The following LCA5 variants were observed in gnomAD, a reference collection of about 807,000 sequenced individuals.
LCA5 encodes lebercilin.
In LCA5, 37 loss-of-function variants were observed where a neutral mutation model predicts 53.0. The observed-to-expected ratio is 0.70, with a 90% CI of 0.54 to 0.92. The LOEUF (loss-of-function observed/expected upper bound fraction) is 0.92. Ranked by LOEUF, LCA5 falls within the 40% of genes least tolerant of loss-of-function variation. LCA5 has a pLI of 0.00. For synonymous variants in LCA5, 303 were observed against 282.9 expected (o/e 1.07, Z -0.71); for missense variants, 806 against 790.5 (o/e 1.02, Z -0.23).
At chr6:79,536,776 C>A (rs62413364) in intron 1 of LCA5, among the ~76,000 whole-genome samples, 31 of 152,262 alleles carry the variant, frequency 2.0e-4, no homozygotes, top group Admixed American at 1.2e-3. Flanking sequence ...TGAGTCTCCA[C>A]GGGCCTCCGG....
intron 1 of LCA5, among the ~76,000 whole-genome samples, chr6:79,531,873 C>G (rs1325646187): frequency 6.6e-6 from 1 of 151,736 alleles, no homozygotes; most frequent in Non-Finnish European, 1.5e-5. Context: ...TTGGAATACA[C>G]AGGGCAGCAC....
chr6:79,500,832 T>G (rs1770117912), intron 3 of LCA5, among the ~76,000 whole-genome samples: 1 of 152,016 alleles, frequency 6.6e-6, no homozygotes, highest in African/African-American at 2.4e-5. Flanking sequence ...GTTACATTTT[T>G]CCTTATATTT....
chr6:79,500,599 T>A (rs1056072762), intron 3 of LCA5, among the ~76,000 whole-genome samples: 1 of 152,190 alleles, frequency 6.6e-6, no homozygotes, highest in East Asian at 1.9e-4. Flanking sequence ...TTTTACAGTA[T>A]TCCTAGAAGG....
intron 3 of LCA5, among the ~76,000 whole-genome samples, chr6:79,507,296 A>G (rs1770294920): frequency 6.6e-6 from 1 of 152,138 alleles, no homozygotes; most frequent in Non-Finnish European, 1.5e-5. Context: ...AAAAGATCTT[A>G]TAACATATAA....
chr6:79,533,264 A>G (rs1205567858), intron 1 of LCA5, among the ~76,000 whole-genome samples: 1 of 152,130 alleles, frequency 6.6e-6, no homozygotes, highest in African/African-American at 2.4e-5. Flanking sequence ...TTAACAGGAC[A>G]CTGAAGATTT....
intron 2 of LCA5, among the ~76,000 whole-genome samples, chr6:79,514,155 T>A (rs1024472145): frequency 6.6e-6 from 1 of 152,112 alleles, no homozygotes; most frequent in Non-Finnish European, 1.5e-5. Flanking sequence ...ATATTTGGGA[T>A]CATTATTTCA....
intron 3 of LCA5, among the ~76,000 whole-genome samples, chr6:79,497,782 G>A (rs1331746866): frequency 1.3e-5 from 2 of 151,956 alleles, no homozygotes; most frequent in Admixed American, 6.6e-5. Flanking sequence ...AAACCAGCCC[G>A]ACCAACATGG....
At chr6:79,530,768 T>C (rs1582657507) in intron 1 of LCA5, among the ~76,000 whole-genome samples, 1 of 152,246 alleles carries the variant, frequency 6.6e-6, no homozygotes, top group South Asian at 2.1e-4. Flanking sequence ...TCCTTAGTCC[T>C]TGTAGAAACT....
intron 3 of LCA5, among the ~76,000 whole-genome samples, chr6:79,495,544 G>A (rs1311753490): frequency 1.3e-5 from 2 of 152,000 alleles, no homozygotes; most frequent in Non-Finnish European, 2.9e-5. Flanking sequence ...AAGGCCAGGA[G>A]ATTAAGACCA....
chr6:79,499,691 A>C (rs972214518), intron 3 of LCA5, among the ~76,000 whole-genome samples: 1 of 151,256 alleles, frequency 6.6e-6, no homozygotes, highest in Admixed American at 6.6e-5. Flanking sequence ...CTTTTTTTTA[A>C]ATTTTATTTT....
chr6:79,501,887 T>C (rs1770150455), intron 3 of LCA5, among the ~76,000 whole-genome samples: 1 of 151,592 alleles, frequency 6.6e-6, no homozygotes, highest in Non-Finnish European at 1.5e-5. Flanking sequence ...CAGTATAGTA[T>C]GTAGTATAGA....
chr6:79,525,858 G>A (rs555023033), intron 1 of LCA5, among the ~76,000 whole-genome samples: 1 of 152,334 alleles, frequency 6.6e-6, no homozygotes, highest in East Asian at 1.9e-4. Flanking sequence ...CCAAGATAAC[G>A]GTGGACAGTG....
chr6:79,531,379 A>G (rs966672324), intron 1 of LCA5, among the ~76,000 whole-genome samples: 1 of 152,170 alleles, frequency 6.6e-6, no homozygotes, highest in Non-Finnish European at 1.5e-5. Flanking sequence ...ATTCCTATCA[A>G]TGAAGAGGTG....
chr6:79,491,870 A>T (rs1426437142), intron 5 of LCA5, 140 bp from the exon 6 acceptor site: 1 of 694,314 alleles, frequency 1.4e-6, no homozygotes, highest in Non-Finnish European at 2.5e-6. Flanking sequence ...ATTTAAATGG[A>T]GAATATATAT....
chr6:79,534,468 C>T (rs774843006), intron 1 of LCA5, among the ~76,000 whole-genome samples: 15 of 151,732 alleles, frequency 9.9e-5, no homozygotes, highest in Non-Finnish European at 4.4e-5. Flanking sequence ...AAATGTCAGG[C>T]GCTAGATTAT....
chr6:79,535,306 T>A (rs1767080433), intron 1 of LCA5, among the ~76,000 whole-genome samples: 2 of 152,138 alleles, frequency 1.3e-5, no homozygotes, highest in African/African-American at 4.8e-5. Context: ...GTTAATATTA[T>A]CAGATCTGAC....
intron 1 of LCA5, among the ~76,000 whole-genome samples, chr6:79,520,309 T>C (rs1338228156): frequency 6.6e-6 from 1 of 152,052 alleles, no homozygotes; most frequent in East Asian, 1.9e-4. Context: ...ACTATTATCA[T>C]AAAGAAAAAA....
In LCA5 at chr6:79,486,852, G is replaced by T; in HGVS notation, c.*152C>A. On this transcript the variant is annotated 3_prime_UTR_variant, in exon 8 of 8. Transcript: ENST00000369846. ...CAAACTATCTATGTGGTGTATGTAT[G>T]ATCTACTTCTTTTTAACTGCATTGT... The T allele has an allele frequency of 1.5e-6, 1 of 650,166 alleles. No individual in the cohort carries two copies. Among genetic ancestry groups the T allele is most frequent in the Non-Finnish European group, 2.6e-6 (1 of 392,090 alleles). 40.3% of individuals were successfully genotyped at this position (650,166 alleles called of 1,614,324 possible). A position where few individuals can be genotyped will look rare whatever the true frequency, so the allele number is the denominator to read the frequency against.
intron 3 of LCA5, among the ~76,000 whole-genome samples, chr6:79,497,272 T>C (rs1770005383): frequency 1.3e-5 from 2 of 152,184 alleles, no homozygotes; most frequent in South Asian, 4.1e-4. Context: ...ATAGACTGCT[T>C]ATTGATTTCA....
Sources: allele counts gnomAD v4.1 joint callset (sites outside exome capture counted in the v4.1 genomes callset), GRCh38; gene constraint gnomAD v4.1.1; transcripts MANE v1.5; gene names NCBI Gene and HGNC (gene_info 2026-07-23, HGNC 2026-07-21).